UNKL: variants seen among roughly 807,000 people sequenced by gnomAD.
The protein encoded by UNKL is unk like zinc finger.
UNKL carries 60 observed loss-of-function variants against 78.0 expected under a neutral mutation model. The ratio of observed to expected loss-of-function variants is 0.77; its 90% CI spans 0.63 to 0.95. The LOEUF (loss-of-function observed/expected upper bound fraction) is 0.95. Ranked by LOEUF, UNKL falls within the 40% of genes least tolerant of loss-of-function variation. The pLI, the probability that UNKL is intolerant of heterozygous loss-of-function variation, is 0.00. For synonymous variants in UNKL, 608 were observed against 474.8 expected (o/e 1.28, Z -3.65); for missense variants, 1,159 against 1,045.7 (o/e 1.11, Z -1.49).
rs916839996 is a variant in UNKL at position 1,399,621 on chromosome 16, G to A, written c.599-112C>T. 2.0e-6 allele frequency: 3 copies of A among 1,485,548 alleles called. No individual in the cohort carries two copies. The highest frequency in any genetic ancestry group is 2.4e-5 in the South Asian group (2 of 82,358). The allele number at this position is 1,485,548 out of a possible 1,614,324, so 92.0% of individuals were successfully genotyped here. Reference sequence around the variant, plus strand: ...CCCCCAAATGGAAGGGGCTGCAGGAGGACTTGGGGAGCGCAGACACACGCC... The same window carrying A: ...CCCCCAAATGGAAGGGGCTGCAGGAAGACTTGGGGAGCGCAGACACACGCC... On this transcript the variant is annotated intron_variant, in intron 4 of 14. Transcript: ENST00000389221. The surrounding 1 kb of genome is among the most constrained non-coding windows in gnomAD (Gnocchi z 5.8).
Position 1,399,055 on chromosome 16 carries a change from G to A in UNKL, c.734+319C>T, listed in dbSNP as rs140634664. 1.0e-5 allele frequency: 14 copies of A among 1,402,266 alleles called. No individual in the cohort carries two copies. Among genetic ancestry groups the A allele is most frequent in the East Asian group, 5.1e-5 (2 of 39,516 alleles). 86.9% of individuals were successfully genotyped at this position (1,402,266 alleles called of 1,614,324 possible). A position where few individuals can be genotyped will look rare whatever the true frequency, so the allele number is the denominator to read the frequency against. On this transcript the variant is annotated intron_variant, in intron 5 of 14. Transcript: ENST00000389221. The surrounding 1 kb of genome is among the most constrained non-coding windows in gnomAD (Gnocchi z 5.8). Reference sequence around the variant, plus strand: ...AGAGCGTGGCTGCAACCAGAGGCACGGGTGGGGCACACGGGGGTCCCAGCT... The same window carrying A: ...AGAGCGTGGCTGCAACCAGAGGCACAGGTGGGGCACACGGGGGTCCCAGCT...
rs968145826 is a variant in UNKL, at chr16:1,395,878, T to A, written c.852+1300A>T. Reference sequence around the variant, plus strand: ...AGCATGATGCGCGTCTGTGACAACATGAGTCAAGAAACGACGGGAAGCAGC... The same window carrying A: ...AGCATGATGCGCGTCTGTGACAACAAGAGTCAAGAAACGACGGGAAGCAGC... On this transcript the variant is annotated intron_variant, in intron 6 of 14. Coordinates refer to ENST00000389221, the MANE Select transcript of UNKL (RefSeq NM_001372107.1). 1.7e-5 allele frequency: 7 copies of A among 417,870 alleles called. No homozygotes were observed. In the East Asian group the frequency reaches 5.1e-4, roughly 31 times the overall value. The allele number at this position is 417,870 out of a possible 1,614,324, so 25.9% of individuals were successfully genotyped here.
intron 8 of UNKL, among the ~76,000 whole-genome samples, chr16:1,390,940 A>C (rs2037020815): frequency 6.6e-6 from 1 of 152,096 alleles, no homozygotes; most frequent in Non-Finnish European, 1.5e-5. Flanking sequence ...TGAGGCAAGA[A>C]AATCGCTTGA....
At chr16:1,409,385 T>G (rs1312633677) in intron 2 of UNKL, among the ~76,000 whole-genome samples, 1 of 127,752 alleles carries the variant, frequency 7.8e-6, no homozygotes, top group Non-Finnish European at 1.6e-5. Context: ...CCCACTCCCG[T>G]GGAATGAAGG....
chr16:1,397,060 G>A (rs1034518535), intron 6 of UNKL, 118 bp downstream of exon 6: 2 of 1,143,856 alleles, frequency 1.7e-6, no homozygotes, highest in African/African-American at 1.5e-5. Context: ...CCCGACCTGT[G>A]CCAGCCCTCG....
chr16:1,385,279 G>A lies in UNKL; in HGVS notation c.1193C>T (p.Thr398Ile). Residue 398 changes from threonine to isoleucine, a missense_variant, in exon 10 of 15, where the codon ACT (threonine) becomes ATT (isoleucine). Physicochemically the swap from Thr to Ile is moderately conservative, Grantham distance 89. Coordinates refer to ENST00000389221, the MANE Select transcript of UNKL (RefSeq NM_001372107.1). ...SSAGSGSSSP[T>I]ALPAPPARAL... The stretch of plus-strand genomic sequence containing the variant: ...ACGGGCGGGGGGCGCGGGCAGCGCA[G>A]TGGGGGAGGAGCTGCCGGAGCCGGC... 1 of 1,363,816 alleles carries A rather than the reference G, an allele frequency of 7.3e-7. No homozygotes were observed. Among genetic ancestry groups the A allele is most frequent in the Non-Finnish European group, 9.4e-7 (1 of 1,064,072 alleles). 84.5% of individuals were successfully genotyped at this position (1,363,816 alleles called of 1,614,324 possible).
At chr16:1,414,524 G>T in intron 1 of UNKL, 91 bp downstream of exon 1, 1 of 297,730 alleles carries the variant, frequency 3.4e-6, no homozygotes, top group Non-Finnish European at 5.0e-6. Flanking sequence ...GCCGGGGGGC[G>T]CGGGGGCGGC....
In UNKL at chr16:1,371,624, C is replaced by T. The variant is rs1392475236; in HGVS notation, c.1265-13G>A. Reference sequence around the variant, plus strand: ...TCTAACGCAGAACCTGTCAACAGAGCCCCCCATCATCCACAGCCCACCCAG... The same window carrying T: ...TCTAACGCAGAACCTGTCAACAGAGTCCCCCATCATCCACAGCCCACCCAG... On this transcript the variant is annotated splice_polypyrimidine_tract_variant and intron_variant, in intron 10 of 14. Coordinates refer to ENST00000389221, the MANE Select transcript of UNKL (RefSeq NM_001372107.1). 2.0e-6 allele frequency: 3 copies of T among 1,535,340 alleles called. No individual in the cohort carries two copies. The highest frequency in any genetic ancestry group is 1.2e-5 in the South Asian group (1 of 84,024).
At chr16:1,412,051 T>A (rs2038064452) in intron 2 of UNKL, 1 of 152,154 alleles carries the variant, frequency 6.6e-6, no homozygotes, top group African/African-American at 2.4e-5. Flanking sequence ...GGATGAAGAC[T>A]TCAAGACCGC....
chr16:1,398,548 G>T (rs1335116449), intron 5 of UNKL: 9 of 1,354,212 alleles, frequency 6.6e-6, no homozygotes, highest in Non-Finnish European at 8.6e-6. Flanking sequence ...GCTCTCCGGG[G>T]CATGCGAGGC....
chr16:1,398,225 T>G, intron 5 of UNKL: 2 of 832,166 alleles, frequency 2.4e-6, no homozygotes, highest in Non-Finnish European at 2.9e-6. Context: ...TGCAGTGAGC[T>G]GAGACTGCAC....
intron 6 of UNKL, chr16:1,395,579 T>C (rs2037224438): frequency 2.4e-6 from 1 of 423,278 alleles, no homozygotes; most frequent in African/African-American, 2.0e-5. Context: ...GGCACAGGCC[T>C]GGCTCCATCT....
chr16:1,400,186 C>A (rs556128743), intron 4 of UNKL, among the ~76,000 whole-genome samples: 3 of 151,862 alleles, frequency 2.0e-5, no homozygotes, highest in Non-Finnish European at 4.4e-5. Flanking sequence ...TTTGGGAGGC[C>A]GAGGTGGGTG....
chr16:1,403,711 C>T lies in UNKL; in HGVS notation c.288-367G>A, dbSNP rs1372233019. ...CCTGTGTGGGAATGAGAGTTCATGC[C>T]CTGCACGCAGGCTGCGTCACCTTCC... On this transcript the variant is annotated intron_variant, in intron 2 of 14. Coordinates refer to ENST00000389221, the MANE Select transcript of UNKL (RefSeq NM_001372107.1). The surrounding 1 kb of genome is among the most constrained non-coding windows in gnomAD (Gnocchi z 4.8). Among the ~76,000 whole-genome samples, 1 of 152,184 alleles carries T rather than the reference C, an allele frequency of 6.6e-6. No individual in the cohort carries two copies. The highest frequency in any genetic ancestry group is 2.4e-5 in the African/African-American group (1 of 41,442).
chr16:1,367,601 G>C, intron 13 of UNKL, 55 bp downstream of exon 13: 2 of 939,522 alleles, frequency 2.1e-6, no homozygotes, highest in Non-Finnish European at 2.9e-6. Context: ...ACGCTCACCT[G>C]AGTCCCCTGC....
intron 10 of UNKL, among the ~76,000 whole-genome samples, chr16:1,381,182 G>C (rs1032860799): frequency 2.0e-5 from 3 of 152,224 alleles, no homozygotes; most frequent in African/African-American, 4.8e-5. Flanking sequence ...CCACCCGAGT[G>C]AGCACAGTCC....
At chr16:1,386,647 G>A (rs187393533) in intron 9 of UNKL, among the ~76,000 whole-genome samples, 121 of 152,318 alleles carry the variant, frequency 7.9e-4, no homozygotes, top group Middle Eastern at 3.4e-3. Flanking sequence ...AACCTTGGGA[G>A]GTGTGATTTT....
intron 5 of UNKL, chr16:1,398,192 T>C: frequency 3.2e-6 from 2 of 625,724 alleles, no homozygotes; most frequent in Non-Finnish European, 4.0e-6. Context: ...TCCGCACCAA[T>C]TTCAAATTAC....
chr16:1,367,397 C>T (rs1232489377), intron 13 of UNKL, 48 bp from the exon 14 acceptor site: 1 of 1,502,654 alleles, frequency 6.7e-7, no homozygotes, highest in Non-Finnish European at 8.9e-7. Flanking sequence ...CCTGTGCCAC[C>T]TGCAGACCCT....
Sources: gnomAD v4.1 joint callset for allele counts (sites outside exome capture counted in the v4.1 genomes callset) on GRCh38, gnomAD v4.1.1 for gene constraint, Gnocchi (gnomAD v3.1) non-coding constraint, MANE v1.5 for transcripts, NCBI Gene and HGNC (gene_info 2026-07-23, HGNC 2026-07-21) for gene names.